Variants in CCDC191 observed in about 807,000 individuals in gnomAD.
CCDC191 encodes coiled-coil domain-containing protein 191.
CCDC191 carries 99 observed loss-of-function variants against 114.0 expected under a neutral mutation model. The observed-to-expected ratio is 0.87, with a 90% confidence interval of 0.74 to 1.03. CCDC191 has a LOEUF of 1.03. Among genes scored for constraint, CCDC191 ranks in the 50% least tolerant of loss-of-function variants. The pLI is 0.00. For synonymous variants in CCDC191, 351 were observed against 376.0 expected (o/e 0.93, Z 0.77); for missense variants, 973 against 1,087.0 (o/e 0.90, Z 1.47).
At chr3:113,982,448 G>C (rs578069720) in intron 13 of CCDC191, among the ~76,000 whole-genome samples, 2 of 152,176 alleles carry the variant, frequency 1.3e-5, no homozygotes, top group South Asian at 4.2e-4. Flanking sequence ...ATGATTTACT[G>C]TGAGGATTAC....
At chr3:113,981,927 A>G (rs1386847548) in intron 13 of CCDC191, among the ~76,000 whole-genome samples, 11 of 152,226 alleles carry the variant, frequency 7.2e-5, no homozygotes, top group African/African-American at 2.7e-4. Context: ...GAGAAAATTT[A>G]CAACAATTTT....
intron 8 of CCDC191, among the ~76,000 whole-genome samples, chr3:114,013,250 A>G (rs79945549): frequency 3.8e-4 from 55 of 145,584 alleles, no homozygotes; most frequent in African/African-American, 1.3e-3. Flanking sequence ...TGTGTCAAAG[A>G]AAAAAAAAAA....
chr3:114,009,196 T>G (rs2076024789), intron 9 of CCDC191, among the ~76,000 whole-genome samples: 2 of 152,192 alleles, frequency 1.3e-5, no homozygotes, highest in African/African-American at 4.8e-5. Flanking sequence ...TATTATATAC[T>G]AGTGCAGACT....
chr3:114,031,583 T>C, intron 7 of CCDC191, 43 bp downstream of exon 7: 1 of 1,530,652 alleles, frequency 6.5e-7, no homozygotes, highest in Non-Finnish European at 9.0e-7. Context: ...TCTTTGTCAT[T>C]TATACTACAG....
chr3:114,018,819 C>T lies in CCDC191; in HGVS notation c.1022G>A (p.Arg341Lys), dbSNP rs1396690891. 2 of 1,613,812 alleles carry T rather than the reference C, an allele frequency of 1.2e-6. No homozygotes were observed. Among genetic ancestry groups the T allele is most frequent in the African/African-American group, 2.7e-5 (2 of 74,902 alleles). The stretch of plus-strand genomic sequence containing the variant: ...GGTCCCAGCTTTCCCCAGCTTAATC[C>T]TATGATCAAGAATCAGCTTGTGCCA... ...AAWHKLILDHRIKLGKAGTLS... is the reference protein window; with the variant it reads ...AAWHKLILDHKIKLGKAGTLS... The change falls in exon 8 of 17, where the codon AGG (arginine) becomes AAG (lysine). Residue 341 changes from arginine (R) to lysine (K), a missense_variant. Coordinates refer to ENST00000295878, the MANE Select transcript of CCDC191 (RefSeq NM_020817.2).
intron 6 of CCDC191, among the ~76,000 whole-genome samples, chr3:114,033,100 T>G (rs987204267): frequency 6.7e-6 from 1 of 148,882 alleles, no homozygotes; most frequent in East Asian, 2.0e-4. Flanking sequence ...TTTTTTTTTT[T>G]ATTTTCTGTT....
At chr3:114,046,837 T>G (rs2076636974) in intron 2 of CCDC191, 105 bp from the exon 3 acceptor site, 10 of 1,408,614 alleles carry the variant, frequency 7.1e-6, no homozygotes. Flanking sequence ...CCTACTAAGA[T>G]TCGTTCATTT....
intron 13 of CCDC191, among the ~76,000 whole-genome samples, chr3:113,986,856 T>G (rs1388845726): frequency 6.6e-6 from 1 of 152,114 alleles, no homozygotes; most frequent in Non-Finnish European, 1.5e-5. Flanking sequence ...AAAGACTGTA[T>G]GAGGACACAG....
At chr3:113,969,508 T>C (rs1263672314) in intron 16 of CCDC191, among the ~76,000 whole-genome samples, 1 of 152,160 alleles carries the variant, frequency 6.6e-6, no homozygotes, top group Non-Finnish European at 1.5e-5. Flanking sequence ...TGTAACCCAT[T>C]TGGATTTGAT....
At chr3:114,008,318 G>T (rs144577081) in intron 9 of CCDC191, among the ~76,000 whole-genome samples, 231 of 151,454 alleles carry the variant, frequency 1.5e-3, no homozygotes, top group African/African-American at 5.2e-3. Context: ...ATTGCCTAGG[G>T]GAAGGGACCA....
intron 11 of CCDC191, chr3:114,003,331 GA>G (rs2075889379): frequency 1.0e-6 from 1 of 985,330 alleles, no homozygotes; most frequent in Non-Finnish European, 1.2e-6. Context: ...ATATTTTAGA[GA>G]AAAGAATTTA....
intron 1 of CCDC191, chr3:114,053,960 G>T (rs1397172180): frequency 1.0e-5 from 2 of 194,798 alleles, no homozygotes; most frequent in Non-Finnish European, 2.1e-5. Context: ...ATATAGAAAT[G>T]CTAAATATAA....
At chr3:114,021,586 C>T (rs1408683792) in intron 7 of CCDC191, among the ~76,000 whole-genome samples, 1 of 152,030 alleles carries the variant, frequency 6.6e-6, no homozygotes, top group African/African-American at 2.4e-5. Context: ...ATACTCAGTT[C>T]CGTCTTCTCT....
intron 13 of CCDC191, among the ~76,000 whole-genome samples, chr3:113,983,477 C>T (rs1252741880): frequency 6.6e-6 from 1 of 152,088 alleles, no homozygotes; most frequent in Non-Finnish European, 1.5e-5. Context: ...TTAACATGCC[C>T]CCGCCAACTA....
chr3:113,978,770 G>T, intron 15 of CCDC191, 88 bp downstream of exon 15: 1 of 1,382,318 alleles, frequency 7.2e-7, no homozygotes, highest in Admixed American at 2.1e-5. Context: ...AAAACATAAT[G>T]ACCCTGGACA....
At chr3:114,033,538 A>G (rs1056861422) in intron 6 of CCDC191, among the ~76,000 whole-genome samples, 3 of 152,226 alleles carry the variant, frequency 2.0e-5, no homozygotes, top group Non-Finnish European at 4.4e-5. Flanking sequence ...TCATCCACCC[A>G]GAAGTAGAAC....
At chr3:114,038,680 C>T (rs1219256553) in intron 4 of CCDC191, among the ~76,000 whole-genome samples, 3 of 152,064 alleles carry the variant, frequency 2.0e-5, no homozygotes, top group South Asian at 4.1e-4. Flanking sequence ...GCTTCTAGAT[C>T]GTTGAGGAAT....
chr3:113,991,904 T>G (rs1189921570), intron 13 of CCDC191, among the ~76,000 whole-genome samples: 1 of 152,062 alleles, frequency 6.6e-6, no homozygotes, highest in African/African-American at 2.4e-5. Flanking sequence ...AAAAAAACAT[T>G]TATAATAGTG....
chr3:114,014,933 C>T (rs1016601587), intron 8 of CCDC191, among the ~76,000 whole-genome samples: 2 of 151,914 alleles, frequency 1.3e-5, no homozygotes, highest in Admixed American at 1.3e-4. Context: ...CCCATCCTAT[C>T]CCCAGGACTT....
Sources: gnomAD v4.1 joint callset for allele counts (sites outside exome capture counted in the v4.1 genomes callset) on GRCh38, gnomAD v4.1.1 for gene constraint, MANE v1.5 for transcripts, NCBI Gene and HGNC (gene_info 2026-07-23, HGNC 2026-07-21) for gene names.